The following MACF1 variants were observed in gnomAD, a reference collection of about 807,000 sequenced individuals.
MACF1 encodes the protein microtubule actin crosslinking factor 1.
Under a neutral mutation model 854.8 loss-of-function variants are expected in MACF1, and 193 were observed. The observed-to-expected ratio is 0.23, with a 90% CI of 0.20 to 0.25. The LOEUF (loss-of-function observed/expected upper bound fraction) is 0.25. Among genes scored for constraint, MACF1 ranks in the 10% least tolerant of loss-of-function variants. The probability of loss-of-function intolerance (pLI) is 1.00; values close to 1 mark genes in which losing one functional copy is unlikely to be tolerated. For missense variants in MACF1, 7,722 were observed against 8,929.1 expected (o/e 0.86, Z 5.45); for synonymous variants, 3,185 against 3,226.7 (o/e 0.99, Z 0.44).
chr1:39,429,643 T>G (rs1015984751), intron 64 of MACF1, among the ~76,000 whole-genome samples, 184 bp from the exon 65 acceptor site: 1 of 152,310 alleles, frequency 6.6e-6, no homozygotes, highest in Middle Eastern at 3.4e-3. Flanking sequence ...AGAAGTGGCT[T>G]CTTTTATCCA....
intron 69 of MACF1, 58 bp downstream of exon 69, chr1:39,434,690 A>T (rs1026408409): frequency 1.6e-5 from 24 of 1,495,368 alleles, no homozygotes; most frequent in East Asian, 9.3e-5. Context: ...TAATTTATTT[A>T]AAAACAACAT....
intron 2 of MACF1, among the ~76,000 whole-genome samples, chr1:39,155,973 C>T (rs891773041): frequency 1.3e-4 from 20 of 152,018 alleles, no homozygotes; most frequent in Admixed American, 3.9e-4. Flanking sequence ...CTGCAAGCTT[C>T]GCCTCCCGGG....
At chr1:39,167,890 G>A (rs1017132550) in intron 2 of MACF1, among the ~76,000 whole-genome samples, 18 of 148,772 alleles carry the variant, frequency 1.2e-4, no homozygotes, top group African/African-American at 4.5e-4. Context: ...AAAAAAAAGA[G>A]AGAGAGAGAA....
At chr1:39,272,576 T>C (rs1645345788) in intron 6 of MACF1, among the ~76,000 whole-genome samples, 1 of 152,150 alleles carries the variant, frequency 6.6e-6, no homozygotes, top group South Asian at 2.1e-4. Flanking sequence ...AGAAAATAAT[T>C]TGAGTTCCAG....
chr1:39,341,216 T>C (rs576113085), intron 40 of MACF1, among the ~76,000 whole-genome samples: 3 of 151,394 alleles, frequency 2.0e-5, no homozygotes, highest in Non-Finnish European at 4.4e-5. Context: ...GTATTTTTAG[T>C]GGAGACGGGG....
chr1:39,439,144 T>G, intron 71 of MACF1, 130 bp from the exon 72 acceptor site: 1 of 552,498 alleles, frequency 1.8e-6, no homozygotes, highest in Non-Finnish European at 3.3e-6. Flanking sequence ...TATCCTTTAG[T>G]TATAAATGCT....
intron 2 of MACF1, among the ~76,000 whole-genome samples, chr1:39,194,062 A>C (rs1644287419): frequency 6.6e-6 from 1 of 151,778 alleles, no homozygotes; most frequent in Non-Finnish European, 1.5e-5. Flanking sequence ...CGAACTCCTG[A>C]CCTCAGGTGA....
chr1:39,379,259 G>A lies in MACF1; in HGVS notation c.13333G>A (p.Gly4445Arg). 1 of 1,612,794 alleles carries A rather than the reference G, an allele frequency of 6.2e-7. No homozygotes were observed. Among genetic ancestry groups the A allele is most frequent in the South Asian group, 1.1e-5 (1 of 90,894 alleles). The change falls in exon 54 of 101, where the codon GGG (glycine) becomes AGG (arginine). Residue 4445 changes from glycine to arginine, a missense_variant. Physicochemically the swap from Gly to Arg is moderately radical, Grantham distance 125. Transcript: ENST00000564288. ...SDVNLKYEKL[G>R]GVLHERQESL... ...TGTAAACTTGAAGTATGAGAAACTAGGGGGAGTACTTCATGAACGCCAGGA... is the reference window on the plus strand; with the variant it reads ...TGTAAACTTGAAGTATGAGAAACTAAGGGGAGTACTTCATGAACGCCAGGA...
chr1:39,246,131 C>G (rs1188614895), intron 2 of MACF1, among the ~76,000 whole-genome samples: 1 of 151,948 alleles, frequency 6.6e-6, no homozygotes, highest in East Asian at 1.9e-4. Context: ...TTCTTCTGTC[C>G]TTTGTTGATT....
chr1:39,305,815 G>C (rs1646162032), intron 23 of MACF1, among the ~76,000 whole-genome samples: 5 of 152,072 alleles, frequency 3.3e-5, no homozygotes, highest in Admixed American at 3.3e-4. Flanking sequence ...AGGGCCTTTG[G>C]ACTTCCTGCT....
chr1:39,415,525 A>AT (rs552780376), intron 58 of MACF1, among the ~76,000 whole-genome samples: 2,204 of 134,524 alleles, frequency 0.016, 19 homozygotes, highest in South Asian at 0.024. Context: ...TATATATATA[A>AT]TTTTTTTTTT....
At chr1:39,282,743 G>T (rs2148381746) in intron 7 of MACF1, among the ~76,000 whole-genome samples, 1 of 152,270 alleles carries the variant, frequency 6.6e-6, no homozygotes, top group East Asian at 1.9e-4. Context: ...CCATGAGGGA[G>T]TGAGTCATCC....
At position 39,105,312 on chromosome 1, in the gene MACF1, G is replaced by C. The variant is rs1401090931; in HGVS notation, c.220+20874G>C. 1 of 753,480 alleles carries C rather than the reference G, an allele frequency of 1.3e-6. No individual in the cohort carries two copies. Among genetic ancestry groups the C allele is most frequent in the Non-Finnish European group, 1.6e-6 (1 of 618,884 alleles). 46.7% of individuals were successfully genotyped at this position (753,480 alleles called of 1,614,324 possible). Reference sequence around the variant, plus strand: ...GGAACGGGCCGGGCCTGGCGCTCCTGACAGGAGGAGCCGCCGCCGCCGCCC... The same window carrying C: ...GGAACGGGCCGGGCCTGGCGCTCCTCACAGGAGGAGCCGCCGCCGCCGCCC... On this transcript the variant is annotated intron_variant, in intron 2 of 93. Coordinates refer to the MACF1 transcript ENST00000361689. The surrounding 1 kb of genome is among the most constrained non-coding windows in gnomAD (Gnocchi z 5.9).
intron 57 of MACF1, among the ~76,000 whole-genome samples, chr1:39,386,947 CTT>C (rs1378545838): frequency 1.3e-5 from 2 of 152,178 alleles, no homozygotes; most frequent in Non-Finnish European, 2.9e-5. Context: ...CTGTTTATGA[CTT>C]TCACGTTTAC....
chr1:39,133,255 C>T (rs12354320), intron 2 of MACF1, among the ~76,000 whole-genome samples: 4,697 of 152,220 alleles, frequency 0.031, 228 homozygotes, highest in African/African-American at 0.11. Flanking sequence ...TAACAAGCAG[C>T]GCCGCCTGTG....
chr1:39,386,890 G>A (rs1569838879), intron 57 of MACF1, among the ~76,000 whole-genome samples: 1 of 152,138 alleles, frequency 6.6e-6, no homozygotes, highest in Non-Finnish European at 1.5e-5. Flanking sequence ...ATGATAACTT[G>A]GTAGAAGAAA....
At chr1:39,266,885 C>T (rs148112241) in intron 6 of MACF1, among the ~76,000 whole-genome samples, 34 of 152,142 alleles carry the variant, frequency 2.2e-4, no homozygotes, top group African/African-American at 7.9e-4. Flanking sequence ...TTTTTGAATC[C>T]GACTTTTACA....
intron 1 of MACF1, among the ~76,000 whole-genome samples, chr1:39,223,033 T>A (rs1382763742): frequency 6.6e-6 from 1 of 152,014 alleles, no homozygotes; most frequent in Non-Finnish European, 1.5e-5. Flanking sequence ...TAAACAGTGA[T>A]ACCATGCAAT....
intron 2 of MACF1, among the ~76,000 whole-genome samples, chr1:39,115,777 G>C (rs541107952): frequency 1.3e-5 from 2 of 152,338 alleles, no homozygotes; most frequent in South Asian, 4.1e-4. Context: ...CAGAAGCAGA[G>C]AAAGAGGATC....
Sources: gnomAD v4.1 joint callset for allele counts (sites outside exome capture counted in the v4.1 genomes callset) on GRCh38, gnomAD v4.1.1 for gene constraint, Gnocchi (gnomAD v3.1) non-coding constraint, MANE v1.5 for transcripts, NCBI Gene and HGNC (gene_info 2026-07-23, HGNC 2026-07-21) for gene names.